MAP4: variants seen among roughly 807,000 people sequenced by gnomAD.
The protein encoded by MAP4 is microtubule associated protein 4, also known as microtubule-associated protein 4.
A neutral mutation model predicts 170.2 loss-of-function variants in MAP4; 76 were observed. That is an observed-to-expected ratio of 0.45 (90% CI 0.37 to 0.54). MAP4 has a LOEUF of 0.54. MAP4 is among the 20% of genes least tolerant of loss of function. The pLI is 0.00. For missense variants in MAP4, 2,506 were observed against 2,748.0 expected, an observed-to-expected ratio of 0.91 and a Z score of 1.97; for synonymous variants, 909 against 994.5, an observed-to-expected ratio of 0.91 and a Z score of 1.62.
chr3:48,019,724 G>A (rs2100109629), upstream of MAP4, among the ~76,000 whole-genome samples: 1 of 152,112 alleles, frequency 6.6e-6, no homozygotes, highest in Non-Finnish European at 1.5e-5. Flanking sequence ...CGTCTCCACA[G>A]AAAACATTTT....
chr3:47,915,845 G>C (rs2100038462), intron 7 of MAP4, 106 bp downstream of exon 7: 2 of 1,321,284 alleles, frequency 1.5e-6, no homozygotes, highest in Non-Finnish European at 2.1e-6. Context: ...AACTTGCAAA[G>C]TACAGTGTGA....
intron 16 of MAP4, among the ~76,000 whole-genome samples, chr3:47,868,145 T>C (rs1333371324): frequency 6.6e-6 from 1 of 152,178 alleles, no homozygotes; most frequent in Non-Finnish European, 1.5e-5. Flanking sequence ...CACTGTATAG[T>C]ACGGGAATGG....
intron 1 of MAP4, among the ~76,000 whole-genome samples, chr3:48,049,533 T>C (rs1475326080): frequency 1.3e-5 from 2 of 152,068 alleles, no homozygotes; most frequent in Admixed American, 1.3e-4. Flanking sequence ...AGTGGGAAGA[T>C]CACTTGAGCC....
At chr3:47,914,549 CAAA>C (rs748273674) in intron 8 of MAP4, among the ~76,000 whole-genome samples, 1 of 60,068 alleles carries the variant, frequency 1.7e-5, no homozygotes, top group Non-Finnish European at 3.4e-5. Context: ...GACTCTGTCT[CAAA>C]AAAAAAAAAA....
intron 1 of MAP4, among the ~76,000 whole-genome samples, chr3:48,010,450 T>C (rs945865226): frequency 2.6e-5 from 4 of 152,256 alleles, no homozygotes; most frequent in Non-Finnish European, 5.9e-5. Context: ...AGCATTTAAG[T>C]ATTATTAACT....
intron 10 of MAP4, among the ~76,000 whole-genome samples, chr3:47,885,381 T>C (rs2152841899): frequency 1.3e-5 from 2 of 151,710 alleles, no homozygotes; most frequent in South Asian, 4.2e-4. Flanking sequence ...AATCAATCAA[T>C]CAATCAATCA....
chr3:47,930,350 C>G (rs1224129627), intron 3 of MAP4, among the ~76,000 whole-genome samples: 1 of 150,686 alleles, frequency 6.6e-6, no homozygotes, highest in East Asian at 2.0e-4. Flanking sequence ...GAGGCTGAGG[C>G]AGGAGAATGG....
At chr3:47,891,168 C>G (rs1272502975) in intron 10 of MAP4, 4 of 1,536,104 alleles carry the variant, frequency 2.6e-6, no homozygotes, top group South Asian at 1.2e-5. Flanking sequence ...ATTCTAGTTT[C>G]ACTAAAATCT....
chr3:47,892,550 TCACACAGAG>T (rs2100024585), intron 10 of MAP4: 1 of 1,457,736 alleles, frequency 6.9e-7, no homozygotes. Flanking sequence ...CCACCTACGA[TCACACAGAG>T]CTTGCAGTGA....
At chr3:47,854,142 A>AG (rs1381105669) in intron 19 of MAP4, among the ~76,000 whole-genome samples, 1 of 152,226 alleles carries the variant, frequency 6.6e-6, no homozygotes, top group Admixed American at 6.5e-5. Flanking sequence ...GAACTAATAA[A>AG]GGGATATAAT....
At position 47,909,752 on chromosome 3, in the gene MAP4, T is replaced by C. The variant is rs747713945; in HGVS notation, c.4669A>G (p.Ser1557Gly). 1 of 1,614,048 alleles carries C rather than the reference T, an allele frequency of 6.2e-7. No individual in the cohort carries two copies. The highest frequency in any genetic ancestry group is 1.3e-5 in the African/African-American group (1 of 75,068). Residue 1557 changes from serine to glycine, a missense_variant, in exon 9 of 21, where the codon AGT becomes GGT. Ser to Gly is a moderately conservative substitution (Grantham distance 56). Transcript: ENST00000683076. Reference protein sequence around the residue: ...HVIGESESVHSGASKHSVEKV... With the variant: ...HVIGESESVHGGASKHSVEKV... ...TCTACTGAATGCTTAGACGCACCAC[T>C]GTGCACTGACTCAGATTCTCCTATC...
chr3:47,870,530 A>AAT (rs1268463439), intron 15 of MAP4, among the ~76,000 whole-genome samples: 1 of 152,178 alleles, frequency 6.6e-6, no homozygotes, highest in Admixed American at 6.5e-5. Flanking sequence ...TTTCTTCTAC[A>AAT]AAAGAATCCT....
At chr3:47,856,729 A>G (rs1260366730) in intron 18 of MAP4, among the ~76,000 whole-genome samples, 1 of 152,176 alleles carries the variant, frequency 6.6e-6, no homozygotes, top group Non-Finnish European at 1.5e-5. Context: ...GCCCGCCCTG[A>G]GGGAAGAGAG....
chr3:47,966,387 C>T (rs967870616), intron 3 of MAP4, among the ~76,000 whole-genome samples: 13 of 151,676 alleles, frequency 8.6e-5, no homozygotes, highest in African/African-American at 2.9e-4. Context: ...GCTGGGACTA[C>T]AGGCGCCTGC....
intron 1 of MAP4, among the ~76,000 whole-genome samples, chr3:48,032,658 CCTT>C (rs1404373275): frequency 6.6e-6 from 1 of 152,088 alleles, no homozygotes; most frequent in African/African-American, 2.4e-5. Context: ...GAGAAAGACT[CCTT>C]CTCAAAAACA....
At chr3:47,873,469 C>T (rs952706745) in intron 12 of MAP4, among the ~76,000 whole-genome samples, 3 of 152,098 alleles carry the variant, frequency 2.0e-5, no homozygotes, top group Non-Finnish European at 2.9e-5. Flanking sequence ...ATGTAGGTAG[C>T]GACAAGCAGG....
chr3:47,886,472 T>C (rs2097609923), intron 10 of MAP4, among the ~76,000 whole-genome samples: 1 of 152,180 alleles, frequency 6.6e-6, no homozygotes, highest in South Asian at 2.1e-4. Flanking sequence ...ACCTAATTTT[T>C]GTATTTTTCC....
chr3:48,025,440 C>A (rs538567246), intron 1 of MAP4, among the ~76,000 whole-genome samples: 210 of 151,956 alleles, frequency 1.4e-3, no homozygotes, highest in Non-Finnish European at 1.7e-3. Flanking sequence ...AGGCGTGCAT[C>A]ACCATGCCCA....
chr3:47,886,233 TTCTC>T (rs912253843), intron 10 of MAP4, among the ~76,000 whole-genome samples: 1 of 152,206 alleles, frequency 6.6e-6, no homozygotes, highest in African/African-American at 2.4e-5. Flanking sequence ...AGAAACTGCT[TTCTC>T]TCTCCCAGAA....
Sources: gnomAD v4.1 joint callset for allele counts (sites outside exome capture counted in the v4.1 genomes callset) on GRCh38, gnomAD v4.1.1 for gene constraint, MANE v1.5 for transcripts, NCBI Gene and HGNC (gene_info 2026-07-23, HGNC 2026-07-21) for gene names.